The following CDC42BPA variants were observed in gnomAD, a reference collection of about 807,000 sequenced individuals.
CDC42BPA encodes the protein serine/threonine-protein kinase MRCK alpha.
In CDC42BPA, 80 loss-of-function variants were observed where a neutral mutation model predicts 223.5. That is an observed-to-expected ratio of 0.36 (90% confidence interval 0.30 to 0.43). The LOEUF (loss-of-function observed/expected upper bound fraction) is 0.43. Ranked by LOEUF, CDC42BPA falls within the 20% of genes least tolerant of loss-of-function variation. The pLI is 1.00. For synonymous variants in CDC42BPA, 694 were observed against 718.6 expected (o/e 0.97, Z 0.55); for missense variants, 1,743 against 2,099.9 (o/e 0.83, Z 3.32).
intron 14 of CDC42BPA, among the ~76,000 whole-genome samples, chr1:227,104,718 T>G (rs545944364): frequency 6.6e-6 from 1 of 152,040 alleles, no homozygotes; most frequent in African/African-American, 2.4e-5. Flanking sequence ...TGCGTCCTTA[T>G]AAAAGGAGAA....
intron 14 of CDC42BPA, among the ~76,000 whole-genome samples, chr1:227,109,612 T>C (rs1382100651): frequency 1.3e-5 from 2 of 152,126 alleles, no homozygotes; most frequent in Non-Finnish European, 2.9e-5. Context: ...GTGATCCACC[T>C]ACCTCAGCCT....
At chr1:227,006,893 C>T (rs565571388) in intron 34 of CDC42BPA, among the ~76,000 whole-genome samples, 13 of 151,922 alleles carry the variant, frequency 8.6e-5, no homozygotes, top group Non-Finnish European at 1.9e-4. Context: ...GAGCCAAGAT[C>T]ACGCCACTGC....
At chr1:227,233,885 A>G (rs768337575) in intron 2 of CDC42BPA, among the ~76,000 whole-genome samples, 10 of 151,978 alleles carry the variant, frequency 6.6e-5, no homozygotes, top group Non-Finnish European at 1.2e-4. Flanking sequence ...GTTAGCCGAG[A>G]TCACACTGCT....
chr1:227,253,037 T>C (rs1682297596), intron 2 of CDC42BPA, among the ~76,000 whole-genome samples: 1 of 152,156 alleles, frequency 6.6e-6, no homozygotes, highest in Non-Finnish European at 1.5e-5. Context: ...CAAAACGGTA[T>C]TGAGATAAAT....
intron 16 of CDC42BPA, among the ~76,000 whole-genome samples, chr1:227,083,643 C>A (rs988938216): frequency 6.6e-6 from 1 of 152,082 alleles, no homozygotes; most frequent in Non-Finnish European, 1.5e-5. Context: ...TGCCACATAT[C>A]GTGTATACAA....
At chr1:227,115,690 G>T (rs573546350) in intron 12 of CDC42BPA, among the ~76,000 whole-genome samples, 27 of 152,152 alleles carry the variant, frequency 1.8e-4, no homozygotes, top group Non-Finnish European at 3.4e-4. Flanking sequence ...ATACCACGTA[G>T]AGCAAGTTCT....
At chr1:227,106,348 CAT>C (rs1685924431) in intron 14 of CDC42BPA, among the ~76,000 whole-genome samples, 1 of 152,152 alleles carries the variant, frequency 6.6e-6, no homozygotes, top group Non-Finnish European at 1.5e-5. Flanking sequence ...ATTGTTATCA[CAT>C]ATATGATTTG....
intron 5 of CDC42BPA, among the ~76,000 whole-genome samples, chr1:227,169,767 C>T (rs144193791): frequency 5.3e-5 from 8 of 152,264 alleles, no homozygotes; most frequent in Non-Finnish European, 7.4e-5. Flanking sequence ...AGGTTCTCCC[C>T]GCTTCTGTTC....
intron 2 of CDC42BPA, among the ~76,000 whole-genome samples, chr1:227,236,025 G>GTA (rs1678951130): frequency 6.6e-6 from 1 of 152,088 alleles, no homozygotes; most frequent in Non-Finnish European, 1.5e-5. Context: ...TTCCTGTGTT[G>GTA]TATATATATC....
Position 227,023,271 on chromosome 1 carries a change from T to A in CDC42BPA, c.4607A>T (p.Lys1536Met). The A allele has an allele frequency of 7.1e-7, 1 of 1,410,028 alleles. No homozygotes were observed. The allele number at this position is 1,410,028 out of a possible 1,614,324, so 87.3% of individuals were successfully genotyped here. The change falls in exon 32 of 37, where the codon AAG (lysine) becomes ATG (methionine). Residue 1536 changes from lysine (K) to methionine (M), a missense_variant. By Grantham distance (95) the Lys-to-Met change is moderately conservative. This residue lies in a region of CDC42BPA where 678 missense variants were observed against 777.5 expected (regional missense o/e 0.87). Coordinates refer to ENST00000366766, the MANE Select transcript of CDC42BPA (RefSeq NM_001394014.1). ...ETIRLIYFKN[K>M]MAEGDELVVP... ...TATATGTATTTTCTTACCTGCCATCTTATTTTTGAAATATATTAATCTAAT... is the reference window on the plus strand; with the variant it reads ...TATATGTATTTTCTTACCTGCCATCATATTTTTGAAATATATTAATCTAAT...
intron 3 of CDC42BPA, among the ~76,000 whole-genome samples, chr1:227,203,165 G>T (rs10916103): frequency 0.84 from 128,076 of 152,038 alleles, 54,228 homozygotes; most frequent in Middle Eastern, 0.91. Flanking sequence ...ACCCCAGACA[G>T]CATATGATTT....
intron 35 of CDC42BPA, among the ~76,000 whole-genome samples, chr1:227,001,934 ACAAAAAC>A (rs1368661451): frequency 7.9e-4 from 121 of 152,252 alleles, no homozygotes; most frequent in African/African-American, 2.6e-3. Flanking sequence ...AAAACAAAAA[ACAAAAAC>A]GCAAAACCAA....
At chr1:227,221,783 C>T (rs1054255775) in intron 2 of CDC42BPA, among the ~76,000 whole-genome samples, 1 of 151,846 alleles carries the variant, frequency 6.6e-6, no homozygotes, top group Non-Finnish European at 1.5e-5. Flanking sequence ...TCCCATTCTC[C>T]CCCAAGGTAA....
intron 10 of CDC42BPA, among the ~76,000 whole-genome samples, chr1:227,131,651 G>T (rs770236317): frequency 6.6e-6 from 1 of 152,160 alleles, no homozygotes; most frequent in Non-Finnish European, 1.5e-5. Flanking sequence ...TGAATCTGGT[G>T]TATGAAGGGA....
intron 1 of CDC42BPA, among the ~76,000 whole-genome samples, chr1:227,307,681 A>G (rs1169226307): frequency 6.6e-6 from 1 of 152,226 alleles, no homozygotes; most frequent in East Asian, 1.9e-4. Context: ...ATAATTTAGG[A>G]AACACTAGTG....
At chr1:227,313,734 CACTT>C (rs1298416599) in intron 1 of CDC42BPA, among the ~76,000 whole-genome samples, 3 of 150,116 alleles carry the variant, frequency 2.0e-5, no homozygotes, top group East Asian at 2.0e-4. Flanking sequence ...ATCAACACCT[CACTT>C]AATTAACACT....
At chr1:227,237,620 T>C (rs886813939) in intron 2 of CDC42BPA, among the ~76,000 whole-genome samples, 5 of 152,234 alleles carry the variant, frequency 3.3e-5, no homozygotes, top group South Asian at 4.1e-4. Flanking sequence ...TTGGGTTGTG[T>C]TTCTCTTATT....
chr1:227,316,709 T>A (rs1694461175), intron 1 of CDC42BPA, among the ~76,000 whole-genome samples: 1 of 152,190 alleles, frequency 6.6e-6, no homozygotes, highest in South Asian at 2.1e-4. Flanking sequence ...AATAATCCAC[T>A]TTTGCCCATC....
intron 34 of CDC42BPA, 56 bp downstream of exon 34, chr1:227,016,024 T>C (rs1177621535): frequency 2.3e-6 from 2 of 857,118 alleles, no homozygotes; most frequent in Non-Finnish European, 2.0e-6. Flanking sequence ...TAAGCCTATG[T>C]ATTTATACTC....
Sources: allele counts gnomAD v4.1 joint callset (sites outside exome capture counted in the v4.1 genomes callset), GRCh38; gene constraint gnomAD v4.1.1; regional missense constraint gnomAD v4.1.1; transcripts MANE v1.5; gene names NCBI Gene and HGNC (gene_info 2026-07-23, HGNC 2026-07-21).